Variants in ASIC2 observed in about 807,000 individuals in gnomAD.
ASIC2 encodes the protein acid-sensing ion channel 2.
Under a neutral mutation model 57.3 loss-of-function variants are expected in ASIC2, and 25 were observed. That is an observed-to-expected ratio of 0.44 (90% confidence interval 0.32 to 0.61). ASIC2 has a LOEUF of 0.61. ASIC2 is among the 20% of genes least tolerant of loss of function. The pLI, the probability that ASIC2 is intolerant of heterozygous loss-of-function variation, is 0.06. For missense variants in ASIC2, 641 were observed against 738.1 expected (o/e 0.87, Z 1.52); for synonymous variants, 319 against 307.5 (o/e 1.04, Z -0.39).
At chr17:33,473,662 A>G (rs534476997) in intron 1 of ASIC2, among the ~76,000 whole-genome samples, 23 of 152,170 alleles carry the variant, frequency 1.5e-4, no homozygotes, top group Non-Finnish European at 2.9e-4. Context: ...GTTCCTGTCT[A>G]TGGGTTGAGT....
intron 1 of ASIC2, among the ~76,000 whole-genome samples, chr17:33,365,458 G>T (rs1908772857): frequency 1.3e-5 from 2 of 152,080 alleles, no homozygotes; most frequent in Admixed American, 1.3e-4. Flanking sequence ...TTGCTGAATG[G>T]CTGGATAAAT....
chr17:33,711,317 T>C (rs547957669), intron 1 of ASIC2, among the ~76,000 whole-genome samples: 177 of 152,300 alleles, frequency 1.2e-3, no homozygotes, highest in African/African-American at 4.1e-3. Flanking sequence ...TCTCTCCCAG[T>C]ACTCATCATG....
At chr17:33,954,662 C>A (rs912001197) in intron 1 of ASIC2, among the ~76,000 whole-genome samples, 2 of 152,186 alleles carry the variant, frequency 1.3e-5, no homozygotes, top group African/African-American at 2.4e-5. Context: ...ACAAGGGTAG[C>A]CTGATTCCCT....
At chr17:33,826,460 A>G (rs1398596429) in intron 1 of ASIC2, among the ~76,000 whole-genome samples, 1 of 152,168 alleles carries the variant, frequency 6.6e-6, no homozygotes, top group African/African-American at 2.4e-5. Context: ...CCGTGATCTC[A>G]GACTGAATTT....
In ASIC2 at chr17:33,627,655, T is replaced by G. The variant is rs139814424; in HGVS notation, c.556-515588A>C. ...TCCTGATTCCTGTTAAGTTCAATGTTTTCTGACAGACACAAGCCAATTAGC... is the reference window on the plus strand; with the variant it reads ...TCCTGATTCCTGTTAAGTTCAATGTGTTCTGACAGACACAAGCCAATTAGC... On this transcript the variant is annotated intron_variant, in intron 1 of 9. Transcript: ENST00000359872. Among the ~76,000 whole-genome samples, 313 of 152,330 alleles carry G rather than the reference T, an allele frequency of 2.1e-3. 1 individual carries two copies. Among genetic ancestry groups the G allele is most frequent in the Non-Finnish European group, 2.2e-4 (15 of 68,008 alleles).
chr17:33,920,303 A>G (rs1915681428), intron 1 of ASIC2, among the ~76,000 whole-genome samples: 1 of 152,210 alleles, frequency 6.6e-6, no homozygotes, highest in South Asian at 2.1e-4. Flanking sequence ...CATGGAATCA[A>G]CCTAGGTGCC....
At chr17:33,351,108 A>G (rs770860667) in intron 1 of ASIC2, among the ~76,000 whole-genome samples, 4 of 152,198 alleles carry the variant, frequency 2.6e-5, no homozygotes, top group Non-Finnish European at 5.9e-5. Context: ...CAAATATGTG[A>G]CTTGACAAGG....
rs529932040 is a variant in ASIC2, at chr17:33,356,026, A to C, written c.556-243959T>G. ...AGTGACTTCCAAGATGAGGCCTGAC[A>C]AATGAGTAGGAGACAACCCAGAGTA... On this transcript the variant is annotated intron_variant, in intron 1 of 9. Coordinates refer to the ASIC2 transcript ENST00000359872. Among the ~76,000 whole-genome samples the C allele has an allele frequency of 6.0e-4, 92 of 152,332 alleles. 1 individual carries two copies. The highest frequency in any genetic ancestry group is 6.5e-4 in the Non-Finnish European group (44 of 68,028).
chr17:33,652,684 T>A (rs1906955956), intron 1 of ASIC2, among the ~76,000 whole-genome samples: 1 of 152,200 alleles, frequency 6.6e-6, no homozygotes, highest in Non-Finnish European at 1.5e-5. Context: ...ACCCCTCAAC[T>A]CCGTTGCTGA....
intron 1 of ASIC2, among the ~76,000 whole-genome samples, chr17:33,893,416 T>C (rs1029124060): frequency 6.6e-6 from 1 of 152,178 alleles, no homozygotes; most frequent in Non-Finnish European, 1.5e-5. Flanking sequence ...TGTGTCTTGA[T>C]TTTCTCATCT....
intron 3 of ASIC2, among the ~76,000 whole-genome samples, chr17:33,029,291 A>G (rs572688952): frequency 3.3e-4 from 50 of 152,266 alleles, no homozygotes; most frequent in African/African-American, 1.1e-3. Context: ...TCAGTCCCCA[A>G]CCTACCTGGG....
chr17:33,114,309 C>T (rs117559144), intron 1 of ASIC2, among the ~76,000 whole-genome samples: 130 of 152,326 alleles, frequency 8.5e-4, no homozygotes, highest in Non-Finnish European at 1.5e-3. Context: ...CCCATGGAGA[C>T]GTGTTCTTGG....
upstream of ASIC2, among the ~76,000 whole-genome samples, chr17:33,293,803 G>A (rs146559091): frequency 1.3e-4 from 20 of 152,234 alleles, no homozygotes; most frequent in East Asian, 3.7e-3. Flanking sequence ...CTATGGTGAC[G>A]TGTATGTTCC....
rs141873737 is a variant in ASIC2, at chr17:33,728,687, A to C, written c.555+427291T>G. ...TCTGAGGACCCAGGAAATGTCACCA[A>C]AGTGAATCAGGGGAATAAGTTATAG... On this transcript the variant is annotated intron_variant, in intron 1 of 9. Coordinates refer to the ASIC2 transcript ENST00000359872. Among the ~76,000 whole-genome samples, 10 of 152,304 alleles carry C rather than the reference A, an allele frequency of 6.6e-5. No individual in the cohort carries two copies. The East Asian group carries it at 1.9e-3, about 29-fold the overall frequency.
At chr17:33,663,465 CTTCTCCAAT>C (rs1907362251) in intron 1 of ASIC2, among the ~76,000 whole-genome samples, 1 of 136,404 alleles carries the variant, frequency 7.3e-6, no homozygotes, top group Non-Finnish European at 1.6e-5. Context: ...TTTTTTTCTT[CTTCTCCAAT>C]CTTCACAGAA....
At chr17:33,569,679 C>T in intron 1 of ASIC2, among the ~76,000 whole-genome samples, 1 of 152,116 alleles carries the variant, frequency 6.6e-6, no homozygotes. Context: ...ATATCTTTAG[C>T]TTAAAGCACA....
At chr17:33,843,901 C>A (rs541850331) in intron 1 of ASIC2, among the ~76,000 whole-genome samples, 1 of 152,332 alleles carries the variant, frequency 6.6e-6, no homozygotes, top group Non-Finnish European at 1.5e-5. Flanking sequence ...TATAATTGTA[C>A]AACCAACCAT....
At chr17:33,726,787 G>A (rs1909574292) in intron 1 of ASIC2, among the ~76,000 whole-genome samples, 2 of 152,182 alleles carry the variant, frequency 1.3e-5, no homozygotes, top group South Asian at 4.1e-4. Flanking sequence ...ATCCAAATGT[G>A]AAGTTATTTG....
chr17:34,042,272 G>A (rs776996509), intron 1 of ASIC2, among the ~76,000 whole-genome samples: 6 of 151,962 alleles, frequency 3.9e-5, no homozygotes, highest in Non-Finnish European at 5.9e-5. Flanking sequence ...ACTTATATAT[G>A]AATATTTAAA....
Sources: allele counts gnomAD v4.1 joint callset (sites outside exome capture counted in the v4.1 genomes callset), GRCh38; gene constraint gnomAD v4.1.1; transcripts MANE v1.5; gene names NCBI Gene and HGNC (gene_info 2026-07-23, HGNC 2026-07-21).